NFKB2: variants seen among roughly 807,000 people sequenced by gnomAD.
The protein encoded by NFKB2 is nuclear factor kappa B subunit 2.
NFKB2 carries 21 observed loss-of-function variants against 109.3 expected under a neutral mutation model. That is an observed-to-expected ratio of 0.19 (90% confidence interval 0.14 to 0.28). NFKB2 has a LOEUF of 0.28. NFKB2 is among the 10% of genes least tolerant of loss of function. NFKB2 has a pLI of 1.00. For synonymous variants in NFKB2, 478 were observed against 489.9 expected, an observed-to-expected ratio of 0.98 and a Z score of 0.32; for missense variants, 806 against 1,185.3, an observed-to-expected ratio of 0.68 and a Z score of 4.70.
upstream of NFKB2, chr10:102,394,803 A>G (rs2061070734): frequency 6.6e-6 from 1 of 152,392 alleles, no homozygotes; most frequent in Admixed American, 6.5e-5. Context: ...GTGCTGGCGC[A>G]CACACGGCAG....
chr10:102,400,460 G>A lies in NFKB2; in HGVS notation c.1767G>A (p.Val589=). The A allele has an allele frequency of 6.2e-7, 1 of 1,611,066 alleles. No homozygotes were observed. The change falls in exon 16 of 23, where the codon GTG becomes GTA. Residue 589 remains valine (V), a synonymous_variant. Transcript: ENST00000661543. The surrounding 1 kb of genome is among the most constrained non-coding windows in gnomAD (Gnocchi z 6.3). ...TGCTTCAGAGTGGAGCTCCTGCTGTGCCCCAGCTGTTGCATATGCCTGACT... is the reference window on the plus strand; with the variant it reads ...TGCTTCAGAGTGGAGCTCCTGCTGTACCCCAGCTGTTGCATATGCCTGACT... ...RALLQSGAPA[V]PQLLHMPDFE...
Position 102,398,556 on chromosome 10 carries a change from C to T in NFKB2, c.991+33C>T, listed in dbSNP as rs373656147. 229 of 1,609,866 alleles carry T rather than the reference C, an allele frequency of 1.4e-4. 1 individual carries two copies. The highest frequency in any genetic ancestry group is 6.6e-4 in the Middle Eastern group (4 of 6,034). The stretch of plus-strand genomic sequence containing the variant: ...TGGGCTGAGGACCTCAGGGTGCTGG[C>T]GGGGGGCCAGGCTGGGCTAGAAGAA... On this transcript the variant is annotated intron_variant, in intron 11 of 22. Transcript: ENST00000661543. This position sits in a 1 kb window ranked among gnomAD's most constrained non-coding sequence, Gnocchi z 6.6.
chr10:102,395,776 C>T lies in NFKB2; in HGVS notation c.-93C>T, dbSNP rs527625213. The T allele has an allele frequency of 1.8e-4, 117 of 647,754 alleles. No homozygotes were observed. Among genetic ancestry groups the T allele is most frequent in the Admixed American group, 6.9e-4 (27 of 38,964 alleles). 40.1% of individuals were successfully genotyped at this position (647,754 alleles called of 1,614,324 possible). A position where few individuals can be genotyped will look rare whatever the true frequency, so the allele number is the denominator to read the frequency against. On this transcript the variant is annotated 5_prime_UTR_variant, in exon 1 of 23. Coordinates refer to ENST00000661543, the MANE Select transcript of NFKB2 (RefSeq NM_001322934.2). ...CTCCACCGGATCTCACCCGCCACACCCGGACAGGCGGCTGGAGGAGGTCGG... is the reference window on the plus strand; with the variant it reads ...CTCCACCGGATCTCACCCGCCACACTCGGACAGGCGGCTGGAGGAGGTCGG...
intron 14 of NFKB2, 105 bp downstream of exon 14, chr10:102,399,823 G>A (rs974471265): frequency 9.2e-6 from 13 of 1,410,136 alleles, no homozygotes; most frequent in Middle Eastern, 2.6e-4. Flanking sequence ...CTTCAAGTCC[G>A]GCCTCGGTGT....
chr10:102,394,905 C>G (rs2061072995), upstream of NFKB2: 1 of 152,426 alleles, frequency 6.6e-6, no homozygotes, highest in Admixed American at 6.5e-5. Flanking sequence ...CGCACAAACT[C>G]AAGATACGCT....
At chr10:102,399,883 G>A in intron 14 of NFKB2, 165 bp downstream of exon 14, 1 of 1,153,636 alleles carries the variant, frequency 8.7e-7, no homozygotes, top group Non-Finnish European at 1.2e-6. Context: ...CAGTTTGGTC[G>A]ACCGTGCAAG....
rs1317649702 is a variant in NFKB2, at chr10:102,400,498, T to G, written c.1798+7T>G. 6.3e-7 allele frequency: 1 copy of G among 1,597,372 alleles called. No homozygotes were observed. The highest frequency in any genetic ancestry group is 2.3e-5 in the East Asian group (1 of 43,776). On this transcript the variant is annotated splice_region_variant and intron_variant, in intron 16 of 22. Coordinates refer to ENST00000661543, the MANE Select transcript of NFKB2 (RefSeq NM_001322934.2). This position sits in a 1 kb window ranked among gnomAD's most constrained non-coding sequence, Gnocchi z 6.3. ...CATATGCCTGACTTTGAGGGTGAGC[T>G]CCCCATCTCACCTGACTAAGGGGGC...
Position 102,396,401 on chromosome 10 carries a change from G to C in NFKB2, c.104-48G>C. ...AGGGAGAGCATGTGCCCTCTCTCTG[G>C]GGGAGGGGCTGGGAGATCGTGGCTC... On this transcript the variant is annotated intron_variant, in intron 3 of 22. Transcript: ENST00000661543. The surrounding 1 kb of genome is among the most constrained non-coding windows in gnomAD (Gnocchi z 5.9). 1 of 1,614,112 alleles carries C rather than the reference G, an allele frequency of 6.2e-7. No homozygotes were observed. The highest frequency in any genetic ancestry group is 8.5e-7 in the Non-Finnish European group (1 of 1,179,990).
Position 102,398,782 on chromosome 10 carries a change from C to T in NFKB2, c.1035C>T (p.Thr345=). ...GGAAGCGGAGGAAGGCCTTGCCCAC[C>T]TTCTCCCAGCCCTTCGGGGGTGGCT... ...VQRKRRKALP[T]FSQPFGGGSH... is the part of the protein sequence containing the mutation. Residue 345 remains threonine (T), a synonymous_variant, in exon 12 of 23, where the codon ACC becomes ACT. Coordinates refer to ENST00000661543, the MANE Select transcript of NFKB2 (RefSeq NM_001322934.2). This position sits in a 1 kb window ranked among gnomAD's most constrained non-coding sequence, Gnocchi z 6.6. 6.2e-7 allele frequency: 1 copy of T among 1,612,508 alleles called. No individual in the cohort carries two copies. The highest frequency in any genetic ancestry group is 8.5e-7 in the Non-Finnish European group (1 of 1,179,674).
Position 102,396,069 on chromosome 10 carries a change from T to A in NFKB2, c.21+89T>A. On this transcript the variant is annotated intron_variant, in intron 2 of 22. Transcript: ENST00000661543. This position sits in a 1 kb window ranked among gnomAD's most constrained non-coding sequence, Gnocchi z 5.9. ...CGAGCCCCCTCTGCTGCCTTACACC[T>A]GTATGCTCGCAGATGCTCTCAGCCT... 1 of 1,556,470 alleles carries A rather than the reference T, an allele frequency of 6.4e-7. No individual in the cohort carries two copies. Among genetic ancestry groups the A allele is most frequent in the Non-Finnish European group, 8.8e-7 (1 of 1,132,858 alleles).
chr10:102,399,904 A>G (rs1215803515), intron 14 of NFKB2, 176 bp from the exon 15 acceptor site: 3 of 1,071,520 alleles, frequency 2.8e-6, no homozygotes, highest in Non-Finnish European at 4.0e-6. Context: ...GGGTACAGTC[A>G]TAGCACTTAC....
chr10:102,397,657 A>G lies in NFKB2; in HGVS notation c.633A>G (p.Pro211=). The G allele has an allele frequency of 6.2e-7, 1 of 1,613,028 alleles. No homozygotes were observed. The highest frequency in any genetic ancestry group is 8.5e-7 in the Non-Finnish European group (1 of 1,179,134). The change falls in exon 8 of 23, where the codon CCA becomes CCG. Residue 211 remains proline (P), a synonymous_variant. Transcript: ENST00000661543. This position sits in a 1 kb window ranked among gnomAD's most constrained non-coding sequence, Gnocchi z 4.7. ...GCTCCTTCTCCCTGCCCCTGAAGCC[A>G]GTCATCTCCCAGCCCATCCATGACA... ...SDGSFSLPLK[P]VISQPIHDSK... is the part of the protein sequence containing the mutation.
chr10:102,398,603 G>A lies in NFKB2; in HGVS notation c.991+80G>A. The A allele has an allele frequency of 6.2e-7, 1 of 1,609,904 alleles. No homozygotes were observed. Among genetic ancestry groups the A allele is most frequent in the Non-Finnish European group, 8.5e-7 (1 of 1,177,890 alleles). On this transcript the variant is annotated intron_variant, in intron 11 of 22. Transcript: ENST00000661543. The surrounding 1 kb of genome is among the most constrained non-coding windows in gnomAD (Gnocchi z 6.6). ...AGAAGGTCCCAAGAGCTAGATGTGG[G>A]GATGCATGAGCCAAGTCAGAAGTGC...
Position 102,398,118 on chromosome 10 carries a change from C to T in NFKB2, c.766+33C>T, listed in dbSNP as rs764719989. Reference sequence around the variant, plus strand: ...TGGAGCCCACTTTGGGCACCAAGGACATCGAGTATAAGACTGGGGCCAGGG... The same window carrying T: ...TGGAGCCCACTTTGGGCACCAAGGATATCGAGTATAAGACTGGGGCCAGGG... On this transcript the variant is annotated intron_variant, in intron 9 of 22. Coordinates refer to ENST00000661543, the MANE Select transcript of NFKB2 (RefSeq NM_001322934.2). This position sits in a 1 kb window ranked among gnomAD's most constrained non-coding sequence, Gnocchi z 6.6. 1.9e-6 allele frequency: 3 copies of T among 1,613,016 alleles called. No homozygotes were observed. Among genetic ancestry groups the T allele is most frequent in the East Asian group, 2.2e-5 (1 of 44,878 alleles).
Position 102,396,593 on chromosome 10 carries a change from A to C in NFKB2, c.144+104A>C, listed in dbSNP as rs2061119019. 1.3e-6 allele frequency: 2 copies of C among 1,583,732 alleles called. No homozygotes were observed. Among genetic ancestry groups the C allele is most frequent in the South Asian group, 2.2e-5 (2 of 89,908 alleles). ...AGGAGCCATTGCCGAAGGAGGCCAC[A>C]GGGGATTGGATGGTCACTGCTGCTG... On this transcript the variant is annotated intron_variant, in intron 4 of 22. Transcript: ENST00000661543. The surrounding 1 kb of genome is among the most constrained non-coding windows in gnomAD (Gnocchi z 5.9).
chr10:102,400,773 T>C lies in NFKB2; in HGVS notation c.1917T>C (p.His639=), dbSNP rs1426720957. 5 of 1,609,354 alleles carry C rather than the reference T, an allele frequency of 3.1e-6. No individual in the cohort carries two copies. Among genetic ancestry groups the C allele is most frequent in the Non-Finnish European group, 3.4e-6 (4 of 1,177,680 alleles). Reference sequence around the variant, plus strand: ...GGCAGGGGGGACGAACAGCCTTGCATCTAGCCACAGAGATGGAGGAGCTGG... The same window carrying C: ...GGCAGGGGGGACGAACAGCCTTGCACCTAGCCACAGAGATGGAGGAGCTGG... ...TERQGGRTAL[H]LATEMEELGL... Residue 639 remains histidine, a synonymous_variant, in exon 17 of 23, where the codon CAT becomes CAC. Coordinates refer to ENST00000661543, the MANE Select transcript of NFKB2 (RefSeq NM_001322934.2). This position sits in a 1 kb window ranked among gnomAD's most constrained non-coding sequence, Gnocchi z 6.3.
In NFKB2 at chr10:102,400,494, G is replaced by A; in HGVS notation, c.1798+3G>A. The A allele has an allele frequency of 3.1e-6, 5 of 1,599,400 alleles. No homozygotes were observed. Among genetic ancestry groups the A allele is most frequent in the Non-Finnish European group, 3.4e-6 (4 of 1,173,714 alleles). On this transcript the variant is annotated splice_donor_region_variant and intron_variant, in intron 16 of 22. Transcript: ENST00000661543. This position sits in a 1 kb window ranked among gnomAD's most constrained non-coding sequence, Gnocchi z 6.3. ...GTTGCATATGCCTGACTTTGAGGGT[G>A]AGCTCCCCATCTCACCTGACTAAGG...
Position 102,400,135 on chromosome 10 carries a change from T to A in NFKB2, c.1525T>A (p.Tyr509Asn). 1 of 1,614,068 alleles carries A rather than the reference T, an allele frequency of 6.2e-7. No individual in the cohort carries two copies. Among genetic ancestry groups the A allele is most frequent in the Non-Finnish European group, 8.5e-7 (1 of 1,179,984 alleles). Reference sequence around the variant, plus strand: ...GACCAGTGTCATTGAGCAGATAGTCTATGTCATCCACCACGCCCAGGACCT... The same window carrying A: ...GACCAGTGTCATTGAGCAGATAGTCAATGTCATCCACCACGCCCAGGACCT... Reference protein sequence around the residue: ...GQTSVIEQIVYVIHHAQDLGV... With the variant: ...GQTSVIEQIVNVIHHAQDLGV... Residue 509 changes from tyrosine to asparagine, a missense_variant, in exon 15 of 23, where the codon TAT becomes AAT. By Grantham distance (143) the Tyr-to-Asn change is moderately radical. This residue lies in a region of NFKB2 where 163 missense variants were observed against 207.1 expected (regional missense o/e 0.79). Coordinates refer to ENST00000661543, the MANE Select transcript of NFKB2 (RefSeq NM_001322934.2). The surrounding 1 kb of genome is among the most constrained non-coding windows in gnomAD (Gnocchi z 6.3).
At chr10:102,395,415 G>A (rs549808091), upstream of NFKB2, among the ~76,000 whole-genome samples, 272 of 152,328 alleles carry the variant, frequency 1.8e-3, 1 homozygote, top group African/African-American at 6.2e-3. Context: ...GGTTGCTCCA[G>A]ACCGGGGGAG....
Sources: allele counts gnomAD v4.1 joint callset (sites outside exome capture counted in the v4.1 genomes callset), GRCh38; gene constraint gnomAD v4.1.1; regional missense constraint gnomAD v4.1.1; non-coding constraint Gnocchi (gnomAD v3.1); transcripts MANE v1.5; gene names NCBI Gene and HGNC (gene_info 2026-07-23, HGNC 2026-07-21).